LTBP1: variants seen among roughly 807,000 people sequenced by gnomAD.
LTBP1 encodes the protein latent transforming growth factor beta binding protein 1.
LTBP1 carries 129 observed loss-of-function variants against 207.6 expected under a neutral mutation model. The observed-to-expected ratio is 0.62, with a 90% CI of 0.54 to 0.72. LTBP1 has a LOEUF of 0.72. Ranked by LOEUF, LTBP1 falls within the 30% of genes least tolerant of loss-of-function variation. The probability of loss-of-function intolerance (pLI) is 0.00; values close to 1 mark genes in which losing one functional copy is unlikely to be tolerated. For missense variants in LTBP1, 2,281 were observed against 2,217.2 expected, an observed-to-expected ratio of 1.03 and a Z score of -0.58; for synonymous variants, 963 against 833.7, an observed-to-expected ratio of 1.16 and a Z score of -2.67.
chr2:33,169,195 A>G (rs1572951873), intron 5 of LTBP1, among the ~76,000 whole-genome samples: 2 of 152,140 alleles, frequency 1.3e-5, no homozygotes, highest in African/African-American at 4.8e-5. Context: ...TTCATGTCCC[A>G]TGGGGAACGT....
intron 5 of LTBP1, among the ~76,000 whole-genome samples, chr2:33,152,642 T>C (rs1572879758): frequency 6.6e-6 from 1 of 152,202 alleles, no homozygotes. Flanking sequence ...AGAGCCATAC[T>C]AGTGGGTGTG....
At chr2:33,367,579 C>T (rs1260967271) in intron 31 of LTBP1, among the ~76,000 whole-genome samples, 3 of 152,102 alleles carry the variant, frequency 2.0e-5, no homozygotes, top group African/African-American at 7.2e-5. Context: ...GTTTAGCTAC[C>T]ATTTATAAGT....
chr2:32,980,083 T>C (rs1348018090), intron 2 of LTBP1, among the ~76,000 whole-genome samples: 3 of 152,136 alleles, frequency 2.0e-5, no homozygotes, highest in Non-Finnish European at 4.4e-5. Flanking sequence ...GTGTTTCTTA[T>C]AGGCAACATA....
At chr2:33,037,224 C>T (rs2075968742) in intron 3 of LTBP1, among the ~76,000 whole-genome samples, 1 of 152,132 alleles carries the variant, frequency 6.6e-6, no homozygotes, top group African/African-American at 2.4e-5. Flanking sequence ...ATTCAAGTTT[C>T]TAAATATGTA....
chr2:33,052,457 T>G (rs1324764307), intron 3 of LTBP1, among the ~76,000 whole-genome samples: 1 of 152,244 alleles, frequency 6.6e-6, no homozygotes, highest in Non-Finnish European at 1.5e-5. Context: ...CCCCTATTAT[T>G]GAACGCTAAG....
At chr2:33,357,533 T>C (rs2094878454) in intron 26 of LTBP1, among the ~76,000 whole-genome samples, 1 of 152,194 alleles carries the variant, frequency 6.6e-6, no homozygotes, top group African/African-American at 2.4e-5. Flanking sequence ...GTGAGGATGC[T>C]GTATTTACCA....
intron 18 of LTBP1, 132 bp from the exon 19 acceptor site, chr2:33,279,907 A>G: frequency 1.2e-6 from 1 of 869,186 alleles, no homozygotes; most frequent in Non-Finnish European, 1.8e-6. Flanking sequence ...CCAATGTCTC[A>G]CTTACCCAAT....
At chr2:33,316,372 A>G (rs1357512269) in intron 24 of LTBP1, among the ~76,000 whole-genome samples, 1 of 152,234 alleles carries the variant, frequency 6.6e-6, no homozygotes, top group African/African-American at 2.4e-5. Context: ...AACAGGAAGT[A>G]TCTGCTCTCC....
At chr2:33,219,691 C>T (rs1446199705) in intron 8 of LTBP1, among the ~76,000 whole-genome samples, 1 of 152,050 alleles carries the variant, frequency 6.6e-6, no homozygotes, top group Non-Finnish European at 1.5e-5. Flanking sequence ...AGTCTATGTT[C>T]TCTAATATTA....
At chr2:33,116,268 G>C (rs2080740297) in intron 4 of LTBP1, among the ~76,000 whole-genome samples, 1 of 152,162 alleles carries the variant, frequency 6.6e-6, no homozygotes. Flanking sequence ...CTCTAAATTG[G>C]ATTTCTCATT....
intron 31 of LTBP1, among the ~76,000 whole-genome samples, chr2:33,381,991 A>T (rs543536315): frequency 2.0e-5 from 3 of 150,468 alleles, no homozygotes; most frequent in African/African-American, 7.3e-5. Flanking sequence ...GGTGCGTAGG[A>T]ACTTAATAGT....
chr2:33,001,598 T>C lies in LTBP1; in HGVS notation c.566-19311T>C, dbSNP rs1215613973. ...GCTGGAATGAAGAAATCAGTGTCAG[T>C]TGGGATTATGGCTCAGTCCTGCTCT... On this transcript the variant is annotated intron_variant, in intron 2 of 33. Transcript: ENST00000404816. Among the ~76,000 whole-genome samples the C allele has an allele frequency of 3.0e-5, 4 of 134,728 alleles. 1 individual carries two copies. The highest frequency in any genetic ancestry group is 6.5e-5 in the Non-Finnish European group (4 of 61,342). 88.4% of individuals were successfully genotyped at this position (134,728 alleles called of 152,430 possible).
rs1228575682 is a variant in LTBP1, at chr2:33,134,407, A to G, written c.1034-386A>G. On this transcript the variant is annotated intron_variant, in intron 4 of 33. Transcript: ENST00000404816. The surrounding 1 kb of genome is among the most constrained non-coding windows in gnomAD (Gnocchi z 4.4). ...TTATTCACCGCTAGGTGCACGGCCA[A>G]CCCCTTTGCATTACATCTGCCTGTC... is the stretch of plus-strand genomic sequence containing the variant. 1.9e-6 allele frequency: 1 copy of G among 531,512 alleles called. No individual in the cohort carries two copies. Among genetic ancestry groups the G allele is most frequent in the Non-Finnish European group, 3.6e-6 (1 of 276,278 alleles). The allele number at this position is 531,512 out of a possible 1,614,324, so 32.9% of individuals were successfully genotyped here. A position where few individuals can be genotyped will look rare whatever the true frequency, so the allele number is the denominator to read the frequency against.
chr2:33,086,878 T>C (rs1572569111), intron 3 of LTBP1, among the ~76,000 whole-genome samples: 2 of 151,758 alleles, frequency 1.3e-5, no homozygotes, highest in Non-Finnish European at 2.9e-5. Context: ...TCTTTTTATT[T>C]ATATATTTAT....
At chr2:33,112,512 C>T (rs1420150528) in intron 4 of LTBP1, among the ~76,000 whole-genome samples, 1 of 151,706 alleles carries the variant, frequency 6.6e-6, no homozygotes, top group Non-Finnish European at 1.5e-5. Context: ...GTTCTCTGCT[C>T]AAACCCCCTA....
intron 2 of LTBP1, among the ~76,000 whole-genome samples, chr2:32,958,176 A>C (rs1238272762): frequency 6.6e-6 from 1 of 151,594 alleles, no homozygotes; most frequent in Non-Finnish European, 1.5e-5. Context: ...CAAGCTTGAG[A>C]CCTGAAGCAG....
At chr2:33,107,690 A>G (rs2080147851) in intron 3 of LTBP1, among the ~76,000 whole-genome samples, 1 of 152,216 alleles carries the variant, frequency 6.6e-6, no homozygotes, top group Non-Finnish European at 1.5e-5. Context: ...ACAGCTAGAT[A>G]TGAACCCTGG....
chr2:33,178,960 C>G (rs939811362), intron 5 of LTBP1, among the ~76,000 whole-genome samples: 4 of 152,148 alleles, frequency 2.6e-5, no homozygotes, highest in African/African-American at 7.2e-5. Context: ...AAGCTGGTCT[C>G]AAACTCCTGG....
intron 3 of LTBP1, among the ~76,000 whole-genome samples, chr2:33,038,696 T>C (rs939559620): frequency 1.2e-4 from 18 of 152,188 alleles, no homozygotes; most frequent in Admixed American, 1.0e-3. Flanking sequence ...AAGTAGAAAA[T>C]ATTTGGAGGC....
Sources: gnomAD v4.1 joint callset for allele counts (sites outside exome capture counted in the v4.1 genomes callset) on GRCh38, gnomAD v4.1.1 for gene constraint, Gnocchi (gnomAD v3.1) non-coding constraint, MANE v1.5 for transcripts, NCBI Gene and HGNC (gene_info 2026-07-23, HGNC 2026-07-21) for gene names.